PTPRD: variants seen among roughly 807,000 people sequenced by gnomAD.
The protein encoded by PTPRD is receptor-type tyrosine-protein phosphatase delta.
PTPRD carries 34 observed loss-of-function variants against 214.5 expected under a neutral mutation model. The observed-to-expected ratio is 0.16, with a 90% CI of 0.12 to 0.21. The LOEUF (loss-of-function observed/expected upper bound fraction) is 0.21. Ranked by LOEUF, PTPRD falls within the 10% of genes least tolerant of loss-of-function variation. The pLI, the probability that PTPRD is intolerant of heterozygous loss-of-function variation, is 1.00. For missense variants in PTPRD, 2,545 were observed against 2,398.7 expected, an observed-to-expected ratio of 1.06 and a Z score of -1.27; for synonymous variants, 1,128 against 845.7, an observed-to-expected ratio of 1.33 and a Z score of -5.79.
intron 3 of PTPRD, among the ~76,000 whole-genome samples, chr9:10,137,689 C>A (rs1592106208): frequency 6.3e-5 from 3 of 47,976 alleles, no homozygotes; most frequent in African/African-American, 8.7e-5. Context: ...TACCCTAAAA[C>A]TTAGAGTATA....
chr9:9,472,200 TTTTTTTC>T (rs1193068047), intron 8 of PTPRD, among the ~76,000 whole-genome samples: 2 of 94,246 alleles, frequency 2.1e-5, no homozygotes, highest in Admixed American at 2.3e-4. Context: ...TTTTTTTTTT[TTTTTTTC>T]TTTTTTTGAG....
At chr9:9,848,192 A>G (rs2059901601) in intron 5 of PTPRD, among the ~76,000 whole-genome samples, 1 of 152,044 alleles carries the variant, frequency 6.6e-6, no homozygotes, top group Admixed American at 6.6e-5. Flanking sequence ...TAACCCATAG[A>G]TTTTACATTG....
intron 10 of PTPRD, among the ~76,000 whole-genome samples, chr9:9,029,682 G>A (rs954146272): frequency 6.6e-5 from 10 of 151,874 alleles, no homozygotes; most frequent in African/African-American, 2.4e-4. Flanking sequence ...CTTTGGTGAG[G>A]AGAGGGTTAT....
intron 16 of PTPRD, 140 bp downstream of exon 16, chr9:8,527,205 G>C (rs1592807974): frequency 1.2e-6 from 1 of 802,662 alleles, no homozygotes; most frequent in East Asian, 2.7e-5. Flanking sequence ...GTGGAGGTGT[G>C]TGTGGGAGCC....
chr9:10,360,220 A>C (rs1025916799), intron 2 of PTPRD, among the ~76,000 whole-genome samples: 18 of 152,220 alleles, frequency 1.2e-4, no homozygotes, highest in Non-Finnish European at 2.2e-4. Context: ...CAGGCCAGTC[A>C]CTCAGAGCAA....
At chr9:8,709,465 A>G (rs2098280322) in intron 12 of PTPRD, among the ~76,000 whole-genome samples, 1 of 150,488 alleles carries the variant, frequency 6.6e-6, no homozygotes, top group African/African-American at 2.5e-5. Context: ...CAGTGAGCCA[A>G]GATCACATCA....
intron 21 of PTPRD, among the ~76,000 whole-genome samples, chr9:8,508,065 T>A (rs2097577694): frequency 6.6e-6 from 1 of 152,148 alleles, no homozygotes; most frequent in South Asian, 2.1e-4. Flanking sequence ...GTTAAATTAT[T>A]TAAAGAACTA....
chr9:9,417,512 C>T (rs1213075862), intron 8 of PTPRD, among the ~76,000 whole-genome samples: 2 of 151,944 alleles, frequency 1.3e-5, no homozygotes, highest in Non-Finnish European at 2.9e-5. Context: ...TTTGATGCCT[C>T]CAATTCTAAA....
At chr9:9,179,806 G>T (rs999662394) in intron 10 of PTPRD, among the ~76,000 whole-genome samples, 1 of 152,020 alleles carries the variant, frequency 6.6e-6, no homozygotes, top group African/African-American at 2.4e-5. Context: ...ACCTGGGTTT[G>T]AATTCTTGTG....
At chr9:10,489,701 C>T (rs1179714245) in intron 2 of PTPRD, among the ~76,000 whole-genome samples, 2 of 152,210 alleles carry the variant, frequency 1.3e-5, no homozygotes, top group Non-Finnish European at 2.9e-5. Flanking sequence ...CAATTTCCCT[C>T]TGGCTAGGGA....
At chr9:9,819,590 G>C (rs895244222) in intron 5 of PTPRD, among the ~76,000 whole-genome samples, 1 of 152,044 alleles carries the variant, frequency 6.6e-6, no homozygotes, top group Admixed American at 6.6e-5. Flanking sequence ...TGAGGATTGG[G>C]GTACGAATGA....
At chr9:8,834,599 T>C (rs2097372360) in intron 11 of PTPRD, among the ~76,000 whole-genome samples, 1 of 152,178 alleles carries the variant, frequency 6.6e-6, no homozygotes, top group Admixed American at 6.6e-5. Context: ...CATACTAGTC[T>C]TTAAAAGCAT....
At chr9:10,525,232 C>G (rs920311982) in intron 2 of PTPRD, among the ~76,000 whole-genome samples, 1 of 151,942 alleles carries the variant, frequency 6.6e-6, no homozygotes, top group Admixed American at 6.6e-5. Context: ...TCTAATATTT[C>G]TTTTCACAAA....
chr9:8,417,021 A>T (rs1297820827), intron 35 of PTPRD, among the ~76,000 whole-genome samples: 1 of 152,134 alleles, frequency 6.6e-6, no homozygotes, highest in Non-Finnish European at 1.5e-5. Flanking sequence ...ATTTATTATC[A>T]TGGAGCATAA....
intron 4 of PTPRD, among the ~76,000 whole-genome samples, chr9:9,981,999 T>A (rs1040425771): frequency 4.6e-5 from 7 of 152,200 alleles, no homozygotes. Flanking sequence ...TGATTAATTA[T>A]CAGTAAATGA....
At chr9:8,487,036 T>C (rs989553674) in intron 27 of PTPRD, among the ~76,000 whole-genome samples, 2 of 152,206 alleles carry the variant, frequency 1.3e-5, no homozygotes, top group African/African-American at 4.8e-5. Flanking sequence ...ATTGACTTAC[T>C]ATGAATTTAA....
intron 10 of PTPRD, among the ~76,000 whole-genome samples, chr9:9,137,971 T>C (rs2099853580): frequency 1.3e-5 from 2 of 152,170 alleles, no homozygotes; most frequent in African/African-American, 4.8e-5. Context: ...CCTCATTTTG[T>C]AGCAGAGAAA....
At chr9:9,045,037 T>A (rs1479828439) in intron 10 of PTPRD, among the ~76,000 whole-genome samples, 1 of 152,172 alleles carries the variant, frequency 6.6e-6, no homozygotes, top group Non-Finnish European at 1.5e-5. Context: ...GAAACTCAGC[T>A]AAACCATTCA....
In PTPRD at chr9:8,338,852, A is replaced by G. The variant is rs973415319; in HGVS notation, c.5379+70T>C. ...CAAGTGGCAAGTGCTTCTCCCAGAG[A>G]GAGAGAGAGAGAGGTATCTTAGACT... is the stretch of plus-strand genomic sequence containing the variant. On this transcript the variant is annotated intron_variant, in intron 43 of 45. Transcript: ENST00000381196. 32 of 1,438,948 alleles carry G rather than the reference A, an allele frequency of 2.2e-5. No individual in the cohort carries two copies. The South Asian group carries it at 4.8e-4, about 21-fold the overall frequency. The allele number at this position is 1,438,948 out of a possible 1,614,324, so 89.1% of individuals were successfully genotyped here.
Sources: gnomAD v4.1 joint callset for allele counts (sites outside exome capture counted in the v4.1 genomes callset) on GRCh38, gnomAD v4.1.1 for gene constraint, MANE v1.5 for transcripts, NCBI Gene and HGNC (gene_info 2026-07-23, HGNC 2026-07-21) for gene names.